NELL1: variants seen among roughly 807,000 people sequenced by gnomAD.
The protein encoded by NELL1 is neural EGFL like 1, also known as protein kinase C-binding protein NELL1.
Under a neutral mutation model 107.4 loss-of-function variants are expected in NELL1, and 76 were observed. The ratio of observed to expected loss-of-function variants is 0.71; its 90% CI spans 0.59 to 0.86. NELL1 has a LOEUF of 0.86. Among genes scored for constraint, NELL1 ranks in the 40% least tolerant of loss-of-function variants. NELL1 has a pLI of 0.00. For missense variants in NELL1, 1,024 were observed against 1,005.5 expected (o/e 1.02, Z -0.25); for synonymous variants, 353 against 341.2 (o/e 1.03, Z -0.38).
chr11:20,898,648 C>A (rs1371395454), intron 5 of NELL1, among the ~76,000 whole-genome samples: 5 of 150,406 alleles, frequency 3.3e-5, no homozygotes, highest in Admixed American at 6.6e-5. Context: ...ACCATTCTTG[C>A]AGGACTAAGA....
chr11:21,167,701 G>GGAGAA (rs1856516513), intron 13 of NELL1, among the ~76,000 whole-genome samples: 1 of 151,828 alleles, frequency 6.6e-6, no homozygotes, highest in Non-Finnish European at 1.5e-5. Flanking sequence ...CTCCAGTTAT[G>GGAGAA]TTGGTCTTCT....
At chr11:20,954,596 G>T (rs1851133512) in intron 11 of NELL1, among the ~76,000 whole-genome samples, 2 of 152,258 alleles carry the variant, frequency 1.3e-5, no homozygotes, top group South Asian at 4.1e-4. Flanking sequence ...TGGTGCTGCA[G>T]CCCACAGAGT....
intron 5 of NELL1, among the ~76,000 whole-genome samples, chr11:20,899,828 C>T (rs1382601501): frequency 6.6e-6 from 1 of 151,952 alleles, no homozygotes; most frequent in East Asian, 1.9e-4. Flanking sequence ...CAACTTTATG[C>T]CAATAAAATG....
intron 12 of NELL1, among the ~76,000 whole-genome samples, chr11:20,987,249 G>T (rs1375115119): frequency 6.6e-6 from 1 of 152,106 alleles, no homozygotes; most frequent in Non-Finnish European, 1.5e-5. Flanking sequence ...AACCTTGGAT[G>T]TACTTATTCT....
chr11:21,469,499 G>C (rs2133884113), intron 15 of NELL1, among the ~76,000 whole-genome samples: 1 of 152,152 alleles, frequency 6.6e-6, no homozygotes, highest in South Asian at 2.1e-4. Context: ...TACTAGCCCA[G>C]TTCTGCTCTC....
intron 2 of NELL1, among the ~76,000 whole-genome samples, chr11:20,748,721 G>T (rs1856060107): frequency 6.6e-6 from 1 of 152,084 alleles, no homozygotes; most frequent in Non-Finnish European, 1.5e-5. Flanking sequence ...CATTCAAGTT[G>T]CTGTAAAAGA....
chr11:20,749,471 T>A (rs114159810), intron 2 of NELL1, among the ~76,000 whole-genome samples: 3,074 of 152,046 alleles, frequency 0.02, 94 homozygotes, highest in African/African-American at 0.07. Context: ...CATAGTGGTA[T>A]GTGCTTGTGG....
intron 12 of NELL1, among the ~76,000 whole-genome samples, chr11:21,044,025 A>G (rs1015460816): frequency 6.6e-6 from 1 of 152,204 alleles, no homozygotes; most frequent in Non-Finnish European, 1.5e-5. Context: ...CCTGGGAGTT[A>G]TCAGGATATA....
chr11:21,523,635 G>A lies in NELL1; in HGVS notation c.1646-10739G>A, dbSNP rs536711834. Among the ~76,000 whole-genome samples, 7 of 152,158 alleles carry A rather than the reference G, an allele frequency of 4.6e-5. No individual in the cohort carries two copies. In the South Asian group the frequency reaches 1.5e-3, roughly 32 times the overall value. ...AACTTCAAAATTACCTCTCTGTTCA[G>A]CTATCTCCTCTCCAATACTCTGCTT... On this transcript the variant is annotated intron_variant, in intron 15 of 19. Transcript: ENST00000357134.
intron 12 of NELL1, among the ~76,000 whole-genome samples, chr11:21,077,169 A>G (rs1324462176): frequency 1.3e-5 from 2 of 152,164 alleles, no homozygotes; most frequent in Non-Finnish European, 2.9e-5. Context: ...AAAGATGCAT[A>G]AAAAGGAAAA....
At chr11:20,716,822 A>C (rs996423339) in intron 2 of NELL1, among the ~76,000 whole-genome samples, 6 of 152,242 alleles carry the variant, frequency 3.9e-5, no homozygotes, top group Non-Finnish European at 7.3e-5. Flanking sequence ...TAGTTAATAT[A>C]ATGTATTAGA....
At chr11:21,076,401 C>A (rs558554186) in intron 12 of NELL1, among the ~76,000 whole-genome samples, 8 of 152,270 alleles carry the variant, frequency 5.3e-5, no homozygotes, top group Admixed American at 2.0e-4. Flanking sequence ...GGAGGCAAGG[C>A]TGATGGAGAA....
chr11:21,088,706 C>A lies in NELL1; in HGVS notation c.1301-24883C>A, dbSNP rs567844329. On this transcript the variant is annotated intron_variant, in intron 12 of 19. Transcript: ENST00000357134. ...ACCACGAACTGCTATTCATACCTCA[C>A]GTCTAATTTTTTTAAAGTGTATCTT... 1.3e-5 allele frequency among the ~76,000 whole-genome samples: 2 copies of A among 152,134 alleles called. 1 individual carries two copies. Among genetic ancestry groups the A allele is most frequent in the South Asian group, 4.1e-4 (2 of 4,834 alleles).
chr11:21,392,203 A>T (rs12274307), intron 15 of NELL1, among the ~76,000 whole-genome samples: 3,402 of 151,944 alleles, frequency 0.022, 56 homozygotes, highest in African/African-American at 0.054. Flanking sequence ...GGGGCAAAAG[A>T]AAGGCAGTAG....
At chr11:20,721,179 G>GTATATATATATA (rs1368182153) in intron 2 of NELL1, among the ~76,000 whole-genome samples, 1 of 31,942 alleles carries the variant, frequency 3.1e-5, no homozygotes, top group African/African-American at 1.2e-4. Context: ...TATATATTTT[G>GTATATATATATA]TGTATATATA....
chr11:21,353,375 A>G (rs141967424), intron 14 of NELL1, among the ~76,000 whole-genome samples: 26 of 152,320 alleles, frequency 1.7e-4, no homozygotes, highest in African/African-American at 6.3e-4. Context: ...CAAGTGAGGA[A>G]ACTGAGGCAC....
At chr11:21,056,784 A>G (rs1241108611) in intron 12 of NELL1, among the ~76,000 whole-genome samples, 1 of 152,128 alleles carries the variant, frequency 6.6e-6, no homozygotes. Context: ...AGAAGTACTG[A>G]ATTTTAGAAC....
At chr11:21,512,853 C>A (rs938048713) in intron 15 of NELL1, among the ~76,000 whole-genome samples, 1 of 152,138 alleles carries the variant, frequency 6.6e-6, no homozygotes, top group Non-Finnish European at 1.5e-5. Context: ...CCAACGAAGC[C>A]TGTTGACATT....
At chr11:21,534,678 G>T (rs1856087742) in intron 16 of NELL1, among the ~76,000 whole-genome samples, 164 bp downstream of exon 16, 1 of 152,116 alleles carries the variant, frequency 6.6e-6, no homozygotes, top group Admixed American at 6.6e-5. Context: ...TTAGGCCAGG[G>T]ATCATGCAAA....
Sources: allele counts gnomAD v4.1 joint callset (sites outside exome capture counted in the v4.1 genomes callset), GRCh38; gene constraint gnomAD v4.1.1; transcripts MANE v1.5; gene names NCBI Gene and HGNC (gene_info 2026-07-23, HGNC 2026-07-21).